CDH12: variants seen among roughly 807,000 people sequenced by gnomAD.
CDH12 encodes cadherin-12.
Under a neutral mutation model 74.1 loss-of-function variants are expected in CDH12, and 41 were observed. That is an observed-to-expected ratio of 0.55 (90% CI 0.43 to 0.72). The LOEUF (loss-of-function observed/expected upper bound fraction) is 0.72. CDH12 is among the 30% of genes least tolerant of loss of function. CDH12 has a pLI of 0.00. For synonymous variants in CDH12, 399 were observed against 355.0 expected (o/e 1.12, Z -1.39); for missense variants, 945 against 977.2 (o/e 0.97, Z 0.44).
rs1439071143 is a variant in CDH12, at chr5:21,957,180, G to GT, written c.526+17910dup. 3.3e-5 allele frequency among the ~76,000 whole-genome samples: 5 copies of GT among 152,102 alleles called. No homozygotes were observed. The South Asian group carries it at 8.3e-4, about 25-fold the overall frequency. On this transcript the variant is annotated intron_variant, in intron 6 of 14. Transcript: ENST00000382254. Reference sequence around the variant, plus strand: ...AACATGCAGTATTTTCTAGTATTTGGTTTTTTGTTCCTGTGTTAATTTGCC... The same window carrying GT: ...AACATGCAGTATTTTCTAGTATTTGGTTTTTTTGTTCCTGTGTTAATTTGCC...
At position 22,467,099 on chromosome 5, in the gene CDH12, C is replaced by T. The variant is rs1178639538; in HGVS notation, c.-428+38171G>A. Among the ~76,000 whole-genome samples, 3 of 152,102 alleles carry T rather than the reference C, an allele frequency of 2.0e-5. No homozygotes were observed. In the East Asian group the frequency reaches 5.8e-4, roughly 30 times the overall value. The stretch of plus-strand genomic sequence containing the variant: ...CGTGCCCGGCCTGCTCCCTGGGAAT[C>T]TTGATTGGATAGCCCAGGCTCAGGA... On this transcript the variant is annotated intron_variant, in intron 2 of 14. Coordinates refer to ENST00000382254, the MANE Select transcript of CDH12 (RefSeq NM_004061.5).
intron 8 of CDH12, among the ~76,000 whole-genome samples, chr5:21,831,856 G>A (rs370075214): frequency 2.5e-3 from 376 of 152,116 alleles, no homozygotes; most frequent in Non-Finnish European, 3.9e-3. Flanking sequence ...CATAAGTAAA[G>A]TCTCATATTT....
chr5:22,665,855 T>C (rs964487307), intron 1 of CDH12, among the ~76,000 whole-genome samples: 3 of 152,204 alleles, frequency 2.0e-5, no homozygotes, highest in African/African-American at 7.2e-5. Context: ...TCACTCCTTT[T>C]TCTTCTTCCA....
chr5:22,383,953 T>A (rs1173486118), intron 3 of CDH12, among the ~76,000 whole-genome samples: 1 of 152,134 alleles, frequency 6.6e-6, no homozygotes. Context: ...TATAATTAGA[T>A]GGAATTGCCA....
At chr5:22,670,889 T>C (rs1345916787) in intron 1 of CDH12, among the ~76,000 whole-genome samples, 2 of 151,772 alleles carry the variant, frequency 1.3e-5, no homozygotes, top group Admixed American at 6.6e-5. Context: ...GCAGGTTTTA[T>C]TTTTTTTCTT....
intron 7 of CDH12, among the ~76,000 whole-genome samples, chr5:21,851,342 T>G (rs1222430565): frequency 1.3e-5 from 2 of 151,004 alleles, no homozygotes; most frequent in Non-Finnish European, 3.0e-5. Context: ...TCAAAACTGT[T>G]GAGATGTTCA....
chr5:21,796,620 CAT>C (rs1746795961), intron 10 of CDH12, among the ~76,000 whole-genome samples: 1 of 151,812 alleles, frequency 6.6e-6, no homozygotes, highest in Admixed American at 6.6e-5. Flanking sequence ...ATTCTTTTGA[CAT>C]GGATTAAAAT....
chr5:22,808,736 A>G (rs1748952011), intron 1 of CDH12, among the ~76,000 whole-genome samples: 1 of 141,332 alleles, frequency 7.1e-6, no homozygotes, highest in Admixed American at 7.2e-5. Flanking sequence ...TGTAGCTGAG[A>G]CTACAGGCAT....
intron 4 of CDH12, among the ~76,000 whole-genome samples, chr5:22,168,747 C>A (rs1021417804): frequency 2.0e-5 from 3 of 149,566 alleles, no homozygotes; most frequent in Non-Finnish European, 4.5e-5. Flanking sequence ...TTATGTTGTA[C>A]AATGTCTGAT....
chr5:22,586,510 A>T lies in CDH12; in HGVS notation c.-522-81146T>A, dbSNP rs941193988. On this transcript the variant is annotated intron_variant, in intron 1 of 14. Transcript: ENST00000382254. ...AATAAAATATATATATATATAAATAAAAATAAAACTTGAAGTAAAATATTT... is the reference window on the plus strand; with the variant it reads ...AATAAAATATATATATATATAAATATAAATAAAACTTGAAGTAAAATATTT... Among the ~76,000 whole-genome samples, 765 of 139,652 alleles carry T rather than the reference A, an allele frequency of 5.5e-3. 4 individuals carry two copies. Among genetic ancestry groups the T allele is most frequent in the African/African-American group, 0.017 (644 of 38,062 alleles). The allele number at this position is 139,652 out of a possible 152,430, so 91.6% of individuals were successfully genotyped here.
chr5:22,743,178 A>G (rs114562404), intron 1 of CDH12, among the ~76,000 whole-genome samples: 3,939 of 150,300 alleles, frequency 0.026, 86 homozygotes, highest in Middle Eastern at 0.045. Flanking sequence ...GAGTTCCTCA[A>G]CTCTCCTGGT....
At chr5:22,435,713 C>CT (rs1008438960) in intron 2 of CDH12, among the ~76,000 whole-genome samples, 2 of 152,006 alleles carry the variant, frequency 1.3e-5, no homozygotes, top group African/African-American at 2.4e-5. Flanking sequence ...CAGCTAGAGG[C>CT]TACAAGATTC....
intron 6 of CDH12, among the ~76,000 whole-genome samples, chr5:21,878,574 CAAAAA>C (rs55681202): frequency 8.4e-5 from 10 of 119,738 alleles, no homozygotes; most frequent in Admixed American, 2.9e-4. Flanking sequence ...ACCAAAAATA[CAAAAA>C]AAAAAAAAAA....
intron 3 of CDH12, among the ~76,000 whole-genome samples, chr5:22,276,007 T>C (rs1736619153): frequency 6.6e-6 from 1 of 152,142 alleles, no homozygotes; most frequent in African/African-American, 2.4e-5. Flanking sequence ...ATGACAACTA[T>C]TGTTGGAATT....
intron 11 of CDH12, among the ~76,000 whole-genome samples, chr5:21,775,793 G>A (rs1231045377): frequency 7.2e-5 from 11 of 151,908 alleles, no homozygotes; most frequent in Non-Finnish European, 1.3e-4. Flanking sequence ...TATATTTAAT[G>A]TATTTAGCCA....
intron 1 of CDH12, among the ~76,000 whole-genome samples, chr5:22,657,304 C>G (rs563328585): frequency 9.9e-5 from 15 of 152,086 alleles, no homozygotes; most frequent in Non-Finnish European, 2.1e-4. Context: ...TGTAGTAGCT[C>G]TTGTCGCAAT....
chr5:22,127,759 T>C lies in CDH12; in HGVS notation c.-186-48897A>G, dbSNP rs1413486576. On this transcript the variant is annotated intron_variant, in intron 4 of 14. Coordinates refer to ENST00000382254, the MANE Select transcript of CDH12 (RefSeq NM_004061.5). ...TTTAGAAGATTTGAGGTTGCTCTCA[T>C]GTGTTTGTAGGGTATGCTATCATCA... 5.9e-5 allele frequency among the ~76,000 whole-genome samples: 9 copies of C among 152,276 alleles called. No homozygotes were observed. The East Asian group carries it at 9.7e-4, about 16-fold the overall frequency.
intron 6 of CDH12, among the ~76,000 whole-genome samples, chr5:21,890,461 T>C (rs1752846173): frequency 6.6e-6 from 1 of 152,148 alleles, no homozygotes; most frequent in Admixed American, 6.6e-5. Context: ...TGAAAAGAAC[T>C]ATACAGCCTT....
intron 1 of CDH12, among the ~76,000 whole-genome samples, chr5:22,506,564 T>C (rs1295681864): frequency 6.6e-6 from 1 of 152,096 alleles, no homozygotes; most frequent in Non-Finnish European, 1.5e-5. Flanking sequence ...AAATGCATAC[T>C]ATAAATGTTA....
Sources: gnomAD v4.1 joint callset for allele counts (sites outside exome capture counted in the v4.1 genomes callset) on GRCh38, gnomAD v4.1.1 for gene constraint, MANE v1.5 for transcripts, NCBI Gene and HGNC (gene_info 2026-07-23, HGNC 2026-07-21) for gene names.